HIPK3: variants seen among roughly 807,000 people sequenced by gnomAD.
HIPK3 encodes homeodomain-interacting protein kinase 3.
In HIPK3, 47 loss-of-function variants were observed where a neutral mutation model predicts 124.2. That is an observed-to-expected ratio of 0.38 (90% CI 0.30 to 0.48). The LOEUF (loss-of-function observed/expected upper bound fraction) is 0.48, where lower values mean the gene tolerates loss of function less well. HIPK3 is among the 20% of genes least tolerant of loss of function. The pLI, the probability that HIPK3 is intolerant of heterozygous loss-of-function variation, is 0.98. For synonymous variants in HIPK3, 482 were observed against 515.2 expected, an observed-to-expected ratio of 0.94 and a Z score of 0.87; for missense variants, 1,286 against 1,454.3, an observed-to-expected ratio of 0.88 and a Z score of 1.88.
chr11:33,293,579 C>A (rs541451616), intron 2 of HIPK3, among the ~76,000 whole-genome samples: 1 of 151,796 alleles, frequency 6.6e-6, no homozygotes, highest in Admixed American at 6.6e-5. Flanking sequence ...CAAGGTTCAT[C>A]CATGTTGTAG....
intron 9 of HIPK3, 68 bp from the exon 10 acceptor site, chr11:33,347,561 T>C: frequency 6.3e-7 from 1 of 1,584,120 alleles, no homozygotes; most frequent in South Asian, 1.1e-5. Context: ...AGTTTTGAGT[T>C]TAAGATATGG....
intron 2 of HIPK3, among the ~76,000 whole-genome samples, chr11:33,288,321 G>A (rs113736921): frequency 1.3e-5 from 2 of 152,084 alleles, no homozygotes; most frequent in African/African-American, 4.8e-5. Context: ...TGGGTGTGGT[G>A]GTGGGTGTCT....
At chr11:33,348,401 G>C in intron 12 of HIPK3, 121 bp from the exon 13 acceptor site, 15 of 1,016,952 alleles carry the variant, frequency 1.5e-5, no homozygotes, top group Non-Finnish European at 2.1e-5. Context: ...ATCTGTTAGT[G>C]TGTTATATTC....
chr11:33,295,277 G>GCCCCCCCCCCCCCC (rs34093915), intron 2 of HIPK3, among the ~76,000 whole-genome samples: 4 of 106,632 alleles, frequency 3.8e-5, no homozygotes, highest in African/African-American at 3.8e-5. Flanking sequence ...AGCCACCACC[G>GCCCCCCCCCCCCCC]CCCCCCCCCC....
intron 4 of HIPK3, 46 bp from the exon 5 acceptor site, chr11:33,338,711 A>T: frequency 7.8e-7 from 1 of 1,276,340 alleles, no homozygotes. Context: ...GGATTAAAGA[A>T]ATTTGTAATA....
chr11:33,276,392 T>G lies in HIPK3; in HGVS notation c.-2-10021T>G, dbSNP rs1851271488. 2.0e-5 allele frequency among the ~76,000 whole-genome samples: 3 copies of G among 152,246 alleles called. No homozygotes were observed. In the South Asian group the frequency reaches 6.2e-4, roughly 31 times the overall value. On this transcript the variant is annotated intron_variant, in intron 1 of 16. Transcript: ENST00000303296. ...CCTCAATTTGGATTTGTTTTCATAT[T>G]TTTGAGACAGGGCCTATGAATAAAT...
intron 1 of HIPK3, chr11:33,258,629 G>C: frequency 1.0e-6 from 1 of 985,404 alleles, no homozygotes; most frequent in Non-Finnish European, 1.2e-6. Context: ...GAGAACTGGC[G>C]GAAAGACTTT....
At chr11:33,258,265 A>C (rs1229758174) in intron 1 of HIPK3, 1 of 976,374 alleles carries the variant, frequency 1.0e-6, no homozygotes, top group Admixed American at 6.4e-5. Flanking sequence ...AGTTTTGTTT[A>C]GTCCCACGGG....
intron 8 of HIPK3, among the ~76,000 whole-genome samples, chr11:33,342,729 A>AT (rs1853373971): frequency 6.6e-6 from 1 of 151,960 alleles, no homozygotes; most frequent in Admixed American, 6.5e-5. Flanking sequence ...CTAATTTTGT[A>AT]TTTTTAGTAG....
chr11:33,297,440 A>G (rs1279814481), intron 2 of HIPK3, among the ~76,000 whole-genome samples: 1 of 152,156 alleles, frequency 6.6e-6, no homozygotes, highest in Non-Finnish European at 1.5e-5. Context: ...TAGTCACAAC[A>G]TTCCCTTAAG....
At chr11:33,261,734 C>T (rs1250352940) in intron 1 of HIPK3, among the ~76,000 whole-genome samples, 1 of 152,116 alleles carries the variant, frequency 6.6e-6, no homozygotes, top group Non-Finnish European at 1.5e-5. Flanking sequence ...GATATATACC[C>T]AGTAATGGGA....
intron 1 of HIPK3, among the ~76,000 whole-genome samples, chr11:33,267,600 C>A (rs1017901770): frequency 6.6e-6 from 1 of 151,852 alleles, no homozygotes; most frequent in African/African-American, 2.4e-5. Flanking sequence ...GGTTCACGCC[C>A]TTCTCCCGCC....
At chr11:33,280,862 A>G (rs1041753610) in intron 1 of HIPK3, among the ~76,000 whole-genome samples, 38 of 151,950 alleles carry the variant, frequency 2.5e-4, no homozygotes, top group Admixed American at 2.4e-3. Flanking sequence ...GTTTTTTCAG[A>G]CTTGGGGGCC....
intron 8 of HIPK3, 25 bp downstream of exon 8, chr11:33,341,711 T>A (rs757707230): frequency 3.2e-6 from 5 of 1,580,522 alleles, no homozygotes; most frequent in Non-Finnish European, 4.3e-6. Flanking sequence ...AAATTTTGCT[T>A]TGAATCTAGG....
chr11:33,332,765 G>A (rs1457674716), intron 3 of HIPK3, among the ~76,000 whole-genome samples: 2 of 152,128 alleles, frequency 1.3e-5, no homozygotes, highest in Non-Finnish European at 2.9e-5. Context: ...TTATTTATAT[G>A]TGTGGATGTA....
intron 16 of HIPK3, among the ~76,000 whole-genome samples, chr11:33,352,550 T>C (rs964156196): frequency 6.6e-6 from 1 of 152,172 alleles, no homozygotes; most frequent in Non-Finnish European, 1.5e-5. Context: ...CTGAATACTT[T>C]CCATCTTATT....
chr11:33,352,154 A>G lies in HIPK3; in HGVS notation c.3060A>G (p.Pro1020=). The change falls in exon 16 of 17, where the codon CCA becomes CCG. Residue 1020 remains proline (P), a synonymous_variant. Coordinates refer to ENST00000303296, the MANE Select transcript of HIPK3 (RefSeq NM_005734.5). ...HMANTDSICQ[P]LIKGRSAPGR... Reference sequence around the variant, plus strand: ...CGTCGCCAGATTCTATATGCCAGCCATTAATAAAAGGACGATCTGCCCCTG... The same window carrying G: ...CGTCGCCAGATTCTATATGCCAGCCGTTAATAAAAGGACGATCTGCCCCTG... 1.2e-6 allele frequency: 2 copies of G among 1,613,786 alleles called. No homozygotes were observed. The highest frequency in any genetic ancestry group is 1.7e-6 in the Non-Finnish European group (2 of 1,179,668).
chr11:33,258,732 C>T, intron 1 of HIPK3: 1 of 985,196 alleles, frequency 1.0e-6, no homozygotes, highest in Non-Finnish European at 1.2e-6. Context: ...CGTCTCATCT[C>T]TGCTTGAGGA....
At chr11:33,337,952 G>A (rs1243118212) in intron 4 of HIPK3, among the ~76,000 whole-genome samples, 2 of 152,146 alleles carry the variant, frequency 1.3e-5, no homozygotes, top group African/African-American at 2.4e-5. Context: ...GATTACAGGT[G>A]TGAGCCACTG....
Sources: allele counts gnomAD v4.1 joint callset (sites outside exome capture counted in the v4.1 genomes callset), GRCh38; gene constraint gnomAD v4.1.1; transcripts MANE v1.5; gene names NCBI Gene and HGNC (gene_info 2026-07-23, HGNC 2026-07-21).